BCO2: variants seen among roughly 807,000 people sequenced by gnomAD.
BCO2 encodes carotenoid-cleaving dioxygenase, mitochondrial.
BCO2 carries 56 observed loss-of-function variants against 65.8 expected under a neutral mutation model. The ratio of observed to expected loss-of-function variants is 0.85; its 90% CI spans 0.69 to 1.06. The LOEUF (loss-of-function observed/expected upper bound fraction) is 1.06. BCO2 is among the 50% of genes least tolerant of loss of function. The pLI, the probability that BCO2 is intolerant of heterozygous loss-of-function variation, is 0.00. For missense variants in BCO2, 675 were observed against 698.5 expected (o/e 0.97, Z 0.38); for synonymous variants, 233 against 242.3 (o/e 0.96, Z 0.36).
At chr11:112,205,968 TTA>T (rs1457789341) in intron 8 of BCO2, among the ~76,000 whole-genome samples, 12 of 152,076 alleles carry the variant, frequency 7.9e-5, no homozygotes, top group South Asian at 2.1e-4. Context: ...AATTAATTAA[TTA>T]ATTTATTTTT....
At position 112,193,486 on chromosome 11, in the gene BCO2, G is replaced by A. The variant is rs754506732; in HGVS notation, c.306G>A (p.Trp102Ter). The A allele has an allele frequency of 1.2e-6, 2 of 1,613,832 alleles. No homozygotes were observed. Among genetic ancestry groups the A allele is most frequent in the Non-Finnish European group, 1.7e-6 (2 of 1,179,972 alleles). Residue 102 changes from tryptophan (W) to a stop codon, truncating the protein, a stop_gained, in exon 3 of 12, where the codon TGG becomes TGA. Transcript: ENST00000357685. LOFTEE classifies it high-confidence loss of function. ...FEFGKDKYNH[W>*]FDGMALLHQF... The stretch of plus-strand genomic sequence containing the variant: ...CTCCTGTTTGAAGGTACAATCATTG[G>A]TTTGATGGGATGGCGCTGCTTCACC...
At chr11:112,213,409 C>G (rs1859568977) in intron 8 of BCO2, among the ~76,000 whole-genome samples, 1 of 151,968 alleles carries the variant, frequency 6.6e-6, no homozygotes, top group Non-Finnish European at 1.5e-5. Flanking sequence ...TCCCAAAGTG[C>G]TGGGATTACA....
intron 2 of BCO2, chr11:112,181,656 C>T (rs1867054725): frequency 8.8e-6 from 8 of 904,706 alleles, no homozygotes; most frequent in Non-Finnish European, 1.5e-5. Context: ...TTCTCAACCA[C>T]TGGAGGATCA....
intron 9 of BCO2, among the ~76,000 whole-genome samples, chr11:112,214,271 C>T (rs531309891): frequency 9.2e-5 from 14 of 152,278 alleles, no homozygotes; most frequent in Non-Finnish European, 1.3e-4. Context: ...CTCAGCCTCT[C>T]GAGTAGCTGG....
At chr11:112,208,412 T>C (rs1389960007) in intron 8 of BCO2, among the ~76,000 whole-genome samples, 2 of 116,944 alleles carry the variant, frequency 1.7e-5, no homozygotes, top group African/African-American at 6.0e-5. Flanking sequence ...ATGTAAGCTG[T>C]ATATTGGCTT....
At chr11:112,215,332 A>G (rs1303511317) in intron 10 of BCO2, 1 of 251,856 alleles carries the variant, frequency 4.0e-6, no homozygotes, top group Non-Finnish European at 7.7e-6. Flanking sequence ...TGATTCTTTT[A>G]CTTTTGGAAT....
At chr11:112,189,395 GA>G (rs143540793) in intron 2 of BCO2, among the ~76,000 whole-genome samples, 103,931 of 121,096 alleles carry the variant, frequency 0.86, 44,095 homozygotes, top group East Asian at 0.95. Flanking sequence ...AAAATTGATA[GA>G]AAAGGAAATT....
intron 2 of BCO2, among the ~76,000 whole-genome samples, chr11:112,193,016 C>T (rs1298002234): frequency 5.5e-5 from 7 of 126,740 alleles, no homozygotes; most frequent in Non-Finnish European, 7.9e-5. Context: ...CTCCCTCTGT[C>T]GCCCAGGCTG....
intron 1 of BCO2, among the ~76,000 whole-genome samples, chr11:112,177,750 C>G (rs948251197): frequency 6.6e-6 from 1 of 151,994 alleles, no homozygotes; most frequent in Non-Finnish European, 1.5e-5. Context: ...TGATAAGTGC[C>G]TTTCTCAAGC....
chr11:112,184,302 G>T (rs1271190472), intron 2 of BCO2, among the ~76,000 whole-genome samples: 1 of 151,504 alleles, frequency 6.6e-6, no homozygotes, highest in African/African-American at 2.4e-5. Flanking sequence ...GCCCAGGCTG[G>T]AGTGCAGTGG....
chr11:112,215,090 C>G (rs902310097), intron 10 of BCO2, 146 bp downstream of exon 10: 22 of 759,634 alleles, frequency 2.9e-5, no homozygotes, highest in African/African-American at 2.8e-4. Context: ...ATGAAATCAT[C>G]TAAGTTAGGG....
chr11:112,198,812 G>A lies in BCO2; in HGVS notation c.737-887G>A, dbSNP rs150346760. On this transcript the variant is annotated intron_variant, in intron 5 of 11. Coordinates refer to ENST00000357685, the MANE Select transcript of BCO2 (RefSeq NM_031938.7). ...TGGAGACTGTAGTTGTTGGAATAGGGGAAGGGAGTAAAGGAACAGAATTTG... is the reference window on the plus strand; with the variant it reads ...TGGAGACTGTAGTTGTTGGAATAGGAGAAGGGAGTAAAGGAACAGAATTTG... Among the ~76,000 whole-genome samples the A allele has an allele frequency of 3.3e-5, 5 of 152,114 alleles. No homozygotes were observed. In the East Asian group the frequency reaches 9.7e-4, roughly 29 times the overall value.
At chr11:112,213,253 C>T (rs1048994376) in intron 8 of BCO2, among the ~76,000 whole-genome samples, 14 of 141,324 alleles carry the variant, frequency 9.9e-5, no homozygotes, top group Non-Finnish European at 2.1e-4. Context: ...AAGTGATTCT[C>T]CTGCCCCAGC....
At chr11:112,175,827 C>T in intron 1 of BCO2, 138 bp downstream of exon 1, 1 of 662,526 alleles carries the variant, frequency 1.5e-6, no homozygotes, top group South Asian at 1.8e-5. Flanking sequence ...GATAGCAATT[C>T]CGCAGAGTCC....
chr11:112,193,650 T>C lies in BCO2; in HGVS notation c.470T>C (p.Val157Ala). 1 of 1,614,152 alleles carries C rather than the reference T, an allele frequency of 6.2e-7. No homozygotes were observed. Among genetic ancestry groups the C allele is most frequent in the South Asian group, 1.1e-5 (1 of 91,082 alleles). ...GCTCTCCCGGATCCATGCAAGAATGTTTTTGAACGTTTCATGTCCAGGTTT... is the reference window on the plus strand; with the variant it reads ...GCTCTCCCGGATCCATGCAAGAATGCTTTTGAACGTTTCATGTCCAGGTTT... ...TLALPDPCKN[V>A]FERFMSRFEL... The change falls in exon 3 of 12, where the codon GTT (valine) becomes GCT (alanine). Residue 157 changes from valine (V) to alanine (A), a missense_variant. Transcript: ENST00000357685.
Position 112,193,490 on chromosome 11 carries a change from G to T in BCO2, c.310G>T (p.Asp104Tyr). Residue 104 changes from aspartate (D) to tyrosine (Y), a missense_variant, in exon 3 of 12, where the codon GAT (aspartate) becomes TAT (tyrosine). Asp to Tyr is a radical substitution (Grantham distance 160). Coordinates refer to ENST00000357685, the MANE Select transcript of BCO2 (RefSeq NM_031938.7). ...TGTTTGAAGGTACAATCATTGGTTT[G>T]ATGGGATGGCGCTGCTTCACCAGTT... ...FGKDKYNHWF[D>Y]GMALLHQFRM... 6.2e-7 allele frequency: 1 copy of T among 1,614,080 alleles called. No homozygotes were observed. Among genetic ancestry groups the T allele is most frequent in the Non-Finnish European group, 8.5e-7 (1 of 1,180,014 alleles).
At chr11:112,199,882 C>T in intron 6 of BCO2, 55 bp downstream of exon 6, 1 of 1,584,604 alleles carries the variant, frequency 6.3e-7, no homozygotes, top group Admixed American at 1.7e-5. Context: ...GTTGCTGTAG[C>T]AGAAGGACTA....
At chr11:112,216,481 T>C in intron 11 of BCO2, 151 bp downstream of exon 11, 1 of 580,668 alleles carries the variant, frequency 1.7e-6, no homozygotes, top group East Asian at 2.8e-5. Context: ...TTTATCTCAA[T>C]CCATATTTTA....
chr11:112,213,684 T>C (rs1859575490), intron 8 of BCO2, 40 bp from the exon 9 acceptor site: 2 of 1,596,734 alleles, frequency 1.3e-6, no homozygotes, highest in Non-Finnish European at 1.7e-6. Context: ...ACTGTTACCA[T>C]ATGAATGACA....
Sources: allele counts gnomAD v4.1 joint callset (sites outside exome capture counted in the v4.1 genomes callset), GRCh38; gene constraint gnomAD v4.1.1; transcripts MANE v1.5; gene names NCBI Gene and HGNC (gene_info 2026-07-23, HGNC 2026-07-21).